Variants in PALD1 observed in about 807,000 individuals in gnomAD.
PALD1 encodes the protein paladin.
PALD1 carries 57 observed loss-of-function variants against 96.0 expected under a neutral mutation model. The ratio of observed to expected loss-of-function variants is 0.59; its 90% CI spans 0.48 to 0.74. The LOEUF (loss-of-function observed/expected upper bound fraction) is 0.74, where lower values mean the gene tolerates loss of function less well. Ranked by LOEUF, PALD1 falls within the 30% of genes least tolerant of loss-of-function variation. The probability of loss-of-function intolerance (pLI) is 0.00; values close to 1 mark genes in which losing one functional copy is unlikely to be tolerated. For synonymous variants in PALD1, 464 were observed against 473.6 expected (o/e 0.98, Z 0.26); for missense variants, 1,063 against 1,143.7 (o/e 0.93, Z 1.02).
At chr10:70,547,513 G>A (rs1564707326) in intron 18 of PALD1, 67 bp downstream of exon 18, 1 of 1,151,780 alleles carries the variant, frequency 8.7e-7, no homozygotes, top group Non-Finnish European at 1.2e-6. Context: ...CAGCCAGGGA[G>A]TGGCTGATGT....
chr10:70,515,155 T>G (rs972295908), intron 1 of PALD1, among the ~76,000 whole-genome samples: 2 of 151,820 alleles, frequency 1.3e-5, no homozygotes, highest in African/African-American at 4.8e-5. Context: ...CCCTCTTGGA[T>G]CAGATTCAAA....
intron 18 of PALD1, among the ~76,000 whole-genome samples, chr10:70,561,542 TTTG>T (rs1366994727): frequency 6.6e-6 from 1 of 152,116 alleles, no homozygotes; most frequent in Non-Finnish European, 1.5e-5. Context: ...AGGTAAAATC[TTTG>T]TTGTTGTTGT....
chr10:70,529,229 G>T lies in PALD1; in HGVS notation c.186G>T (p.Thr62=). 1 of 352,104 alleles carries T rather than the reference G, an allele frequency of 2.8e-6. No homozygotes were observed. Among genetic ancestry groups the T allele is most frequent in the Non-Finnish European group, 5.0e-6 (1 of 201,818 alleles). 21.8% of individuals were successfully genotyped at this position (352,104 alleles called of 1,614,324 possible). Residue 62 remains threonine (T), a splice_region_variant and synonymous_variant, in exon 3 of 20, where the codon ACG becomes ACT. Coordinates refer to ENST00000263563, the MANE Select transcript of PALD1 (RefSeq NM_014431.3). ...TTCTGCCCCCCCCCCCCCCCCCCAGGTACAACTGCAAGGAGGAGTTCCAGA... is the reference window on the plus strand; with the variant it reads ...TTCTGCCCCCCCCCCCCCCCCCCAGTTACAACTGCAAGGAGGAGTTCCAGA... ...IPNKVAPVVI[T]YNCKEEFQIH... is the part of the protein sequence containing the mutation.
At chr10:70,558,177 C>T (rs111355531) in intron 18 of PALD1, among the ~76,000 whole-genome samples, 3,948 of 151,934 alleles carry the variant, frequency 0.026, 87 homozygotes, top group African/African-American at 0.067. Flanking sequence ...CTTCTTATTT[C>T]TCCTCTGGGG....
rs1174099104 is a variant in PALD1 at position 70,500,664 on chromosome 10, A to G, written c.-30+21605A>G. Reference sequence around the variant, plus strand: ...CTTCCGCCACTGTGCAGCTCGGTATAATGGGAAAGGTGCTGGAGTCCCTGC... The same window carrying G: ...CTTCCGCCACTGTGCAGCTCGGTATGATGGGAAAGGTGCTGGAGTCCCTGC... On this transcript the variant is annotated intron_variant, in intron 1 of 19. Transcript: ENST00000263563. Among the ~76,000 whole-genome samples, 3 of 152,178 alleles carry G rather than the reference A, an allele frequency of 2.0e-5. No homozygotes were observed. In the East Asian group the frequency reaches 5.8e-4, roughly 29 times the overall value.
chr10:70,480,774 G>A (rs78677089), intron 1 of PALD1, among the ~76,000 whole-genome samples: 2,190 of 152,332 alleles, frequency 0.014, 65 homozygotes, highest in African/African-American at 0.05. Flanking sequence ...AACAGGTGGT[G>A]CACAGACCTG....
intron 1 of PALD1, among the ~76,000 whole-genome samples, chr10:70,480,012 A>T (rs997963582): frequency 1.3e-5 from 2 of 152,248 alleles, no homozygotes; most frequent in African/African-American, 4.8e-5. Flanking sequence ...ACACACCATT[A>T]ATTGCTATGT....
rs1474252687 is a variant in PALD1, at chr10:70,533,952, G to A, written c.901G>A (p.Ala301Thr). ...ETPSLLQLRD[A>T]HGPPPALVFS... ...CCCCAGCCTGCTGCAGCTCCGTGAT[G>A]CCCACGGGCCTCCCCCAGCCCTCGT... The change falls in exon 8 of 20, where the codon GCC (alanine) becomes ACC (threonine). Residue 301 changes from alanine to threonine, a missense_variant. Transcript: ENST00000263563. 6 of 1,609,548 alleles carry A rather than the reference G, an allele frequency of 3.7e-6. No homozygotes were observed. The highest frequency in any genetic ancestry group is 4.2e-6 in the Non-Finnish European group (5 of 1,177,626).
chr10:70,487,272 T>C (rs1846029376), intron 1 of PALD1, among the ~76,000 whole-genome samples: 1 of 149,474 alleles, frequency 6.7e-6, no homozygotes, highest in Admixed American at 6.7e-5. Flanking sequence ...TAGCTGGGAC[T>C]ACAGGCGCCC....
At position 70,527,939 on chromosome 10, in the gene PALD1, C is replaced by T. The variant is rs1846904886; in HGVS notation, c.186-1290C>T. Among the ~76,000 whole-genome samples the T allele has an allele frequency of 2.6e-5, 4 of 151,720 alleles. 1 individual carries two copies. In the South Asian group the frequency reaches 8.4e-4, roughly 32 times the overall value. ...ATGCCATCCCTCCCCCGTCCCCCCA[C>T]CCCACAACAGGCCCTGGTATGTGAT... On this transcript the variant is annotated intron_variant, in intron 2 of 19. Transcript: ENST00000263563.
intron 1 of PALD1, 39 bp from the exon 2 acceptor site, chr10:70,525,884 C>T (rs1846848859): frequency 6.4e-7 from 1 of 1,550,738 alleles, no homozygotes; most frequent in Non-Finnish European, 8.9e-7. Flanking sequence ...TGTGGATTTT[C>T]CCATCCCCTC....
chr10:70,538,504 C>T, intron 12 of PALD1, 96 bp downstream of exon 12: 3 of 1,297,676 alleles, frequency 2.3e-6, no homozygotes, highest in Non-Finnish European at 1.1e-6. Flanking sequence ...AAGCATTGCC[C>T]TTGCAGGAGG....
At chr10:70,490,231 C>T (rs1344734590) in intron 1 of PALD1, among the ~76,000 whole-genome samples, 2 of 152,040 alleles carry the variant, frequency 1.3e-5, no homozygotes, top group African/African-American at 2.4e-5. Flanking sequence ...CCCTCTCTCT[C>T]TCTCTCTTTT....
upstream of PALD1, among the ~76,000 whole-genome samples, chr10:70,475,862 T>C (rs1441558751): frequency 1.3e-5 from 2 of 152,180 alleles, no homozygotes; most frequent in African/African-American, 4.8e-5. Context: ...TCATATTCTT[T>C]GCAGCAGCAG....
rs1030925999 is a variant in PALD1, at chr10:70,540,500, G to C, written c.1909-602G>C. Reference sequence around the variant, plus strand: ...TTTACCGGACGTGGATCCCTGTGTGGTGCGTGTGTCTGGCGTGTGTTGTAG... The same window carrying C: ...TTTACCGGACGTGGATCCCTGTGTGCTGCGTGTGTCTGGCGTGTGTTGTAG... On this transcript the variant is annotated intron_variant, in intron 15 of 19. Transcript: ENST00000263563. The surrounding 1 kb of genome is among the most constrained non-coding windows in gnomAD (Gnocchi z 4.2). 2.6e-5 allele frequency among the ~76,000 whole-genome samples: 4 copies of C among 151,940 alleles called. No homozygotes were observed. Among genetic ancestry groups the C allele is most frequent in the Non-Finnish European group, 5.9e-5 (4 of 67,952 alleles).
chr10:70,496,729 T>G (rs1040177672), intron 1 of PALD1, among the ~76,000 whole-genome samples: 1 of 152,188 alleles, frequency 6.6e-6, no homozygotes, highest in African/African-American at 2.4e-5. Context: ...TTTTGTGTCT[T>G]TTGATGAACA....
rs1231485857 is a variant in PALD1, at chr10:70,526,148, G to A, written c.185+12G>A. 6.2e-7 allele frequency: 1 copy of A among 1,611,352 alleles called. No homozygotes were observed. The highest frequency in any genetic ancestry group is 8.5e-7 in the Non-Finnish European group (1 of 1,177,788). On this transcript the variant is annotated intron_variant, in intron 2 of 19. Coordinates refer to ENST00000263563, the MANE Select transcript of PALD1 (RefSeq NM_014431.3). ...CCTGTTGTGATCACGTGAGTGGCAGGGGGAGTGTGCCCATGTCCCTGGGAG... is the reference window on the plus strand; with the variant it reads ...CCTGTTGTGATCACGTGAGTGGCAGAGGGAGTGTGCCCATGTCCCTGGGAG...
At chr10:70,526,571 T>G (rs1392503623) in intron 2 of PALD1, among the ~76,000 whole-genome samples, 1 of 152,222 alleles carries the variant, frequency 6.6e-6, no homozygotes, top group East Asian at 1.9e-4. Context: ...TGGAAGCTGC[T>G]AGTTGGCTGT....
intron 1 of PALD1, among the ~76,000 whole-genome samples, chr10:70,524,824 A>T (rs1328807113): frequency 1.3e-5 from 2 of 152,144 alleles, no homozygotes; most frequent in Admixed American, 6.5e-5. Context: ...ATGTTGTGTG[A>T]TTATAAACAA....
Sources: allele counts gnomAD v4.1 joint callset (sites outside exome capture counted in the v4.1 genomes callset), GRCh38; gene constraint gnomAD v4.1.1; non-coding constraint Gnocchi (gnomAD v3.1); transcripts MANE v1.5; gene names NCBI Gene and HGNC (gene_info 2026-07-23, HGNC 2026-07-21).